Variants in UST observed in about 807,000 individuals in gnomAD.
UST encodes uronyl 2-sulfotransferase.
In UST, 21 loss-of-function variants were observed where a neutral mutation model predicts 45.6. The observed-to-expected ratio is 0.46, with a 90% CI of 0.33 to 0.66. The LOEUF (loss-of-function observed/expected upper bound fraction) is 0.66, where lower values mean the gene tolerates loss of function less well. Among genes scored for constraint, UST ranks in the 30% least tolerant of loss-of-function variants. The probability of loss-of-function intolerance (pLI) is 0.02; values close to 1 mark genes in which losing one functional copy is unlikely to be tolerated. For missense variants in UST, 463 were observed against 512.4 expected, an observed-to-expected ratio of 0.90 and a Z score of 0.93; for synonymous variants, 215 against 200.6, an observed-to-expected ratio of 1.07 and a Z score of -0.61.
intron 2 of UST, among the ~76,000 whole-genome samples, chr6:148,907,228 T>G (rs1389087282): frequency 2.6e-5 from 4 of 152,136 alleles, no homozygotes; most frequent in Non-Finnish European, 5.9e-5. Context: ...GCCATAATTA[T>G]CCAAGTAAAA....
chr6:149,014,844 C>G (rs1159613048), intron 5 of UST, among the ~76,000 whole-genome samples: 1 of 152,150 alleles, frequency 6.6e-6, no homozygotes, highest in Non-Finnish European at 1.5e-5. Context: ...GGAAGTCTGG[C>G]CAGGGAAATC....
At chr6:148,990,534 C>A in intron 5 of UST, 1 of 472,210 alleles carries the variant, frequency 2.1e-6, no homozygotes, top group Non-Finnish European at 2.8e-6. Context: ...CGTTCAGATT[C>A]ATATTTTCCA....
intron 2 of UST, among the ~76,000 whole-genome samples, chr6:148,890,595 G>A (rs752121540): frequency 1.3e-4 from 20 of 152,136 alleles, no homozygotes; most frequent in Non-Finnish European, 2.5e-4. Flanking sequence ...AATTTCACAA[G>A]TTTCACATTC....
At chr6:148,852,949 C>A (rs1051337504) in intron 1 of UST, among the ~76,000 whole-genome samples, 1 of 152,130 alleles carries the variant, frequency 6.6e-6, no homozygotes, top group Admixed American at 6.6e-5. Flanking sequence ...AATGAGGACA[C>A]TTGTCTTCTT....
chr6:149,021,522 T>C, intron 7 of UST, 41 bp downstream of exon 7: 1 of 1,610,144 alleles, frequency 6.2e-7, no homozygotes, highest in Non-Finnish European at 8.5e-7. Context: ...ATGAGAGGTC[T>C]GTGTCCAGGG....
chr6:148,862,237 T>A (rs1220552561), intron 1 of UST, among the ~76,000 whole-genome samples: 1 of 152,184 alleles, frequency 6.6e-6, no homozygotes, highest in Non-Finnish European at 1.5e-5. Flanking sequence ...AATTGATCCC[T>A]TTGCCATTAT....
chr6:148,947,023 T>C (rs1369513087), intron 3 of UST, among the ~76,000 whole-genome samples: 1 of 151,428 alleles, frequency 6.6e-6, no homozygotes, highest in African/African-American at 2.4e-5. Context: ...TGCCCCATGT[T>C]AGAAGGAGGA....
At chr6:149,043,020 T>TTTCTTTCG (rs1562337823) in intron 7 of UST, among the ~76,000 whole-genome samples, 4 of 125,058 alleles carry the variant, frequency 3.2e-5, no homozygotes, top group African/African-American at 1.6e-4. Context: ...TCTTTCTTTC[T>TTTCTTTCG]TTTTCTTTCT....
intron 2 of UST, among the ~76,000 whole-genome samples, chr6:148,903,524 T>G (rs1023068976): frequency 1.2e-4 from 19 of 152,244 alleles, no homozygotes; most frequent in African/African-American, 4.1e-4. Context: ...CTTTGTGGGT[T>G]GTGATCTTGC....
At chr6:148,824,519 C>T (rs1777531388) in intron 1 of UST, among the ~76,000 whole-genome samples, 1 of 152,188 alleles carries the variant, frequency 6.6e-6, no homozygotes, top group African/African-American at 2.4e-5. Flanking sequence ...GGGTGGATAC[C>T]ATTCTGACAC....
At chr6:149,008,068 G>T (rs1775745335) in intron 5 of UST, among the ~76,000 whole-genome samples, 1 of 152,094 alleles carries the variant, frequency 6.6e-6, no homozygotes, top group South Asian at 2.1e-4. Flanking sequence ...TGGTTATGGT[G>T]CCTTGCTGTG....
intron 1 of UST, among the ~76,000 whole-genome samples, chr6:148,873,636 T>A (rs1184221664): frequency 1.3e-5 from 2 of 152,138 alleles, no homozygotes; most frequent in Admixed American, 6.5e-5. Flanking sequence ...GGAACAGGGC[T>A]TCAGAGTCAG....
chr6:148,747,768 A>C lies in UST; in HGVS notation c.247+91A>C, dbSNP rs939422526. On this transcript the variant is annotated intron_variant, in intron 1 of 7. Coordinates refer to ENST00000367463, the MANE Select transcript of UST (RefSeq NM_005715.3). ...CGCGGCGGGGACTTCTCGCGCTGCC[A>C]CCGCGCGCCGCCGCCGCCCCGGGTC... The C allele has an allele frequency of 9.9e-6, 14 of 1,418,868 alleles. No homozygotes were observed. In the African/African-American group the frequency reaches 1.5e-4, roughly 15 times the overall value. The allele number at this position is 1,418,868 out of a possible 1,614,324, so 87.9% of individuals were successfully genotyped here.
At chr6:149,007,668 C>T (rs1775740507) in intron 5 of UST, among the ~76,000 whole-genome samples, 1 of 151,814 alleles carries the variant, frequency 6.6e-6, no homozygotes, top group South Asian at 2.1e-4. Flanking sequence ...AGGTGATCCA[C>T]CTGCCTCGGC....
chr6:148,769,744 CTGTGTTTGTGTGTGTGTGTGTGTG>C (rs1032181391), intron 1 of UST, among the ~76,000 whole-genome samples: 7 of 129,464 alleles, frequency 5.4e-5, no homozygotes, highest in African/African-American at 2.4e-4. Context: ...ATGTAGGAGC[CTGTGTTTGTGTGTGTGTGTGTGTG>C]TGTGTGTGTG....
chr6:149,001,685 C>T (rs1001037007), intron 5 of UST, among the ~76,000 whole-genome samples: 2 of 152,164 alleles, frequency 1.3e-5, no homozygotes, highest in South Asian at 4.1e-4. Context: ...TTACTGAGTT[C>T]ATTAAAAGCA....
chr6:149,001,417 A>T (rs1215938508), intron 5 of UST, among the ~76,000 whole-genome samples: 1 of 152,244 alleles, frequency 6.6e-6, no homozygotes, highest in Non-Finnish European at 1.5e-5. Flanking sequence ...AGTACTGAAC[A>T]GATTAAACAA....
At chr6:149,073,745 G>C (rs1776850262) in intron 7 of UST, 88 bp from the exon 8 acceptor site, 4 of 1,494,724 alleles carry the variant, frequency 2.7e-6, no homozygotes, top group Middle Eastern at 2.5e-4. Context: ...GGTGCTACCA[G>C]AGTTGTACAG....
At chr6:148,954,369 G>A (rs892554160) in intron 4 of UST, among the ~76,000 whole-genome samples, 2 of 152,194 alleles carry the variant, frequency 1.3e-5, no homozygotes, top group African/African-American at 2.4e-5. Flanking sequence ...CAAAGTACCA[G>A]CCTCTGTCTG....
Sources: gnomAD v4.1 joint callset for allele counts (sites outside exome capture counted in the v4.1 genomes callset) on GRCh38, gnomAD v4.1.1 for gene constraint, MANE v1.5 for transcripts, NCBI Gene and HGNC (gene_info 2026-07-23, HGNC 2026-07-21) for gene names.